PARD3: variants seen among roughly 807,000 people sequenced by gnomAD.
PARD3 encodes the protein partitioning defective 3 homolog.
PARD3 carries 75 observed loss-of-function variants against 155.4 expected under a neutral mutation model. That is an observed-to-expected ratio of 0.48 (90% confidence interval 0.40 to 0.58). PARD3 has a LOEUF of 0.58. Ranked by LOEUF, PARD3 falls within the 20% of genes least tolerant of loss-of-function variation. PARD3 has a pLI of 0.00. For synonymous variants in PARD3, 576 were observed against 610.5 expected (o/e 0.94, Z 0.83); for missense variants, 1,642 against 1,721.7 (o/e 0.95, Z 0.82).
rs562905696 is a variant in PARD3 at position 34,388,925 on chromosome 10, G to A, written c.891-4671C>T. On this transcript the variant is annotated intron_variant, in intron 7 of 24. Coordinates refer to ENST00000374788, the MANE Select transcript of PARD3 (RefSeq NM_001184785.2). ...AGAAAAGAGTTGGGCATTTATTAGTGGGGTGGCGCAGATTTAAGAAGAAAT... is the reference window on the plus strand; with the variant it reads ...AGAAAAGAGTTGGGCATTTATTAGTAGGGTGGCGCAGATTTAAGAAGAAAT... Among the ~76,000 whole-genome samples, 3 of 152,224 alleles carry A rather than the reference G, an allele frequency of 2.0e-5. No individual in the cohort carries two copies. The East Asian group carries it at 5.8e-4, about 29-fold the overall frequency.
At chr10:34,271,361 C>A in intron 21 of PARD3, among the ~76,000 whole-genome samples, 1 of 151,976 alleles carries the variant, frequency 6.6e-6, no homozygotes, top group African/African-American at 2.4e-5. Flanking sequence ...ACACCGTGAC[C>A]AAATGGTGTT....
intron 1 of PARD3, among the ~76,000 whole-genome samples, chr10:34,702,080 G>A (rs984942956): frequency 3.3e-5 from 5 of 151,882 alleles, no homozygotes; most frequent in African/African-American, 4.8e-5. Context: ...CAGGAGAATC[G>A]CTTGAACCCG....
At chr10:34,386,375 C>T (rs1842348240) in intron 7 of PARD3, among the ~76,000 whole-genome samples, 4 of 152,122 alleles carry the variant, frequency 2.6e-5, no homozygotes, top group Admixed American at 2.0e-4. Flanking sequence ...CAACTTAACT[C>T]TCAGTTCATA....
chr10:34,532,207 A>G (rs989610552), intron 2 of PARD3, among the ~76,000 whole-genome samples: 5 of 152,246 alleles, frequency 3.3e-5, no homozygotes, highest in African/African-American at 9.6e-5. Context: ...CAGGGTATCT[A>G]TATATATATT....
chr10:34,512,707 A>G (rs923575892), intron 3 of PARD3, among the ~76,000 whole-genome samples: 2 of 152,232 alleles, frequency 1.3e-5, no homozygotes, highest in Non-Finnish European at 2.9e-5. Flanking sequence ...AAACTAAAAC[A>G]TATCAGGAAT....
At chr10:34,504,512 A>G (rs906749448) in intron 3 of PARD3, among the ~76,000 whole-genome samples, 2 of 152,192 alleles carry the variant, frequency 1.3e-5, no homozygotes, top group Non-Finnish European at 2.9e-5. Context: ...CTAATTTACC[A>G]ATCAATATAA....
At chr10:34,385,886 T>C (rs1225785935) in intron 7 of PARD3, among the ~76,000 whole-genome samples, 1 of 152,208 alleles carries the variant, frequency 6.6e-6, no homozygotes, top group Non-Finnish European at 1.5e-5. Context: ...AATGAAGGCA[T>C]GATTGAGGTT....
chr10:34,249,742 A>AT (rs1461705735), intron 22 of PARD3, among the ~76,000 whole-genome samples: 2 of 152,240 alleles, frequency 1.3e-5, no homozygotes, highest in East Asian at 3.9e-4. Flanking sequence ...AAGAAGAAGA[A>AT]TGGCTCTTTT....
intron 1 of PARD3, among the ~76,000 whole-genome samples, chr10:34,746,664 T>C (rs1366213343): frequency 3.3e-5 from 5 of 150,736 alleles, no homozygotes; most frequent in African/African-American, 1.2e-4. Flanking sequence ...TTTTAAATGA[T>C]AAAAAATTAT....
chr10:34,124,037 A>G (rs1334403461), intron 23 of PARD3, among the ~76,000 whole-genome samples: 1 of 152,222 alleles, frequency 6.6e-6, no homozygotes, highest in Non-Finnish European at 1.5e-5. Context: ...CTTCTTATAG[A>G]TAAGGAAAAT....
intron 1 of PARD3, among the ~76,000 whole-genome samples, chr10:34,767,350 G>A (rs780004344): frequency 1.3e-4 from 20 of 152,104 alleles, no homozygotes; most frequent in Non-Finnish European, 1.6e-4. Context: ...GGGAAGCGTC[G>A]CTACCTGAGA....
chr10:34,541,674 G>T (rs1486643220), intron 2 of PARD3, among the ~76,000 whole-genome samples: 3 of 152,132 alleles, frequency 2.0e-5, no homozygotes, highest in Admixed American at 6.5e-5. Context: ...ATTTTTAAGT[G>T]TCCACAAATG....
chr10:34,539,277 T>G (rs538153654), intron 2 of PARD3, among the ~76,000 whole-genome samples: 1 of 152,246 alleles, frequency 6.6e-6, no homozygotes, highest in African/African-American at 2.4e-5. Context: ...ACTCTTAAGT[T>G]TTCAGGAATT....
At chr10:34,175,126 G>A (rs763969281) in intron 22 of PARD3, among the ~76,000 whole-genome samples, 6 of 151,952 alleles carry the variant, frequency 3.9e-5, no homozygotes, top group African/African-American at 7.2e-5. Flanking sequence ...TAATTAAATC[G>A]GAGCATGTAC....
intron 1 of PARD3, among the ~76,000 whole-genome samples, chr10:34,787,774 CTTT>C (rs879835386): frequency 8.6e-5 from 12 of 140,092 alleles, no homozygotes; most frequent in Admixed American, 1.4e-4. Flanking sequence ...AACCAACATC[CTTT>C]TTTTTTTTTT....
chr10:34,749,315 G>T (rs1835699152), intron 1 of PARD3, among the ~76,000 whole-genome samples: 2 of 152,080 alleles, frequency 1.3e-5, no homozygotes, highest in Non-Finnish European at 2.9e-5. Flanking sequence ...AAACAGAGAA[G>T]TAAATGTTTG....
At chr10:34,177,801 C>G (rs531987280) in intron 22 of PARD3, among the ~76,000 whole-genome samples, 2 of 152,334 alleles carry the variant, frequency 1.3e-5, no homozygotes, top group East Asian at 3.9e-4. Flanking sequence ...CTTCCAGTTA[C>G]CAGAGAGACA....
intron 5 of PARD3, among the ~76,000 whole-genome samples, chr10:34,417,742 C>T: frequency 6.6e-6 from 1 of 152,142 alleles, no homozygotes. Context: ...ATAGGCTGAG[C>T]CTAAATTCCA....
intron 1 of PARD3, among the ~76,000 whole-genome samples, chr10:34,724,597 T>C (rs890743399): frequency 6.6e-5 from 10 of 152,366 alleles, no homozygotes; most frequent in African/African-American, 1.9e-4. Flanking sequence ...GGAAATACTA[T>C]AGTGAATATA....
Sources: gnomAD v4.1 joint callset for allele counts (sites outside exome capture counted in the v4.1 genomes callset) on GRCh38, gnomAD v4.1.1 for gene constraint, MANE v1.5 for transcripts, NCBI Gene and HGNC (gene_info 2026-07-23, HGNC 2026-07-21) for gene names.